PARP14: variants seen among roughly 807,000 people sequenced by gnomAD.
The protein encoded by PARP14 is protein mono-ADP-ribosyltransferase PARP14.
Under a neutral mutation model 154.2 loss-of-function variants are expected in PARP14, and 59 were observed. The observed-to-expected ratio is 0.38, with a 90% CI of 0.31 to 0.48. The LOEUF (loss-of-function observed/expected upper bound fraction) is 0.48. Among genes scored for constraint, PARP14 ranks in the 20% least tolerant of loss-of-function variants. The pLI, the probability that PARP14 is intolerant of heterozygous loss-of-function variation, is 0.98. For missense variants in PARP14, 1,734 were observed against 2,131.6 expected, an observed-to-expected ratio of 0.81 and a Z score of 3.67; for synonymous variants, 720 against 780.5, an observed-to-expected ratio of 0.92 and a Z score of 1.29.
At chr3:122,696,791 A>T (rs1472635247) in intron 5 of PARP14, among the ~76,000 whole-genome samples, 15 of 152,142 alleles carry the variant, frequency 9.9e-5, no homozygotes, top group Admixed American at 9.8e-4. Context: ...TGTAAACTCT[A>T]TGAGGCACTC....
At position 122,695,604 on chromosome 3, in the gene PARP14, C is replaced by T; in HGVS notation, c.777C>T (p.Ala259=). The change falls in exon 5 of 17, where the codon GCC becomes GCT. Residue 259 remains alanine, a synonymous_variant. Coordinates refer to ENST00000474629, the MANE Select transcript of PARP14 (RefSeq NM_017554.3). ...CCTATAATGGAGGGGGAAGAGTTGC[C>T]AATGTTGAATATTTTCCTGAAGAGA... ...ENPYNGGGRV[A]NVEYFPEESS... 6.2e-7 allele frequency: 1 copy of T among 1,610,256 alleles called. No individual in the cohort carries two copies. Among genetic ancestry groups the T allele is most frequent in the Non-Finnish European group, 8.5e-7 (1 of 1,177,120 alleles).
Position 122,681,257 on chromosome 3 carries a change from C to A in PARP14, c.187+187C>A, listed in dbSNP as rs778118396. On this transcript the variant is annotated intron_variant, in intron 1 of 16. Coordinates refer to ENST00000474629, the MANE Select transcript of PARP14 (RefSeq NM_017554.3). This position sits in a 1 kb window ranked among gnomAD's most constrained non-coding sequence, Gnocchi z 5.5. ...CGAGCGCACCCGGGGCGCTGCGGTT[C>A]CCCGGCGCCCTGCGCTTCCAGGCGC... is the stretch of plus-strand genomic sequence containing the variant. Among the ~76,000 whole-genome samples the A allele has an allele frequency of 5.2e-4, 79 of 151,474 alleles. No homozygotes were observed. The highest frequency in any genetic ancestry group is 3.5e-3 in the Middle Eastern group (1 of 286).
chr3:122,681,140 C>A lies in PARP14; in HGVS notation c.187+70C>A. ...TCCCTCCAGGGAAATGGCGGCAGGG[C>A]ACGCACGGGAGGGTGACCCGCCCGA... is the stretch of plus-strand genomic sequence containing the variant. On this transcript the variant is annotated intron_variant, in intron 1 of 16. Transcript: ENST00000474629. This position sits in a 1 kb window ranked among gnomAD's most constrained non-coding sequence, Gnocchi z 5.5. The A allele has an allele frequency of 7.9e-7, 1 of 1,273,070 alleles. No individual in the cohort carries two copies. The highest frequency in any genetic ancestry group is 1.1e-6 in the Non-Finnish European group (1 of 901,240). 78.9% of individuals were successfully genotyped at this position (1,273,070 alleles called of 1,614,324 possible).
intron 1 of PARP14, among the ~76,000 whole-genome samples, chr3:122,682,789 C>G (rs1038981013): frequency 6.6e-6 from 1 of 152,238 alleles, no homozygotes; most frequent in South Asian, 2.1e-4. Flanking sequence ...TGGTGGCTCA[C>G]GCCTGTTAAT....
rs569667645 is a variant in PARP14, at chr3:122,724,754, C to T, written c.4942-3058C>T. ...TGGAGAGAAGGTCAGCAGATAAACA[C>T]GTGAATAAAGGACTCTGGTTTTCCT... On this transcript the variant is annotated intron_variant, in intron 15 of 16. Coordinates refer to ENST00000474629, the MANE Select transcript of PARP14 (RefSeq NM_017554.3). Among the ~76,000 whole-genome samples, 21 of 151,258 alleles carry T rather than the reference C, an allele frequency of 1.4e-4. No individual in the cohort carries two copies. The South Asian group carries it at 4.0e-3, about 28-fold the overall frequency.
chr3:122,694,842 A>G (rs1481661551), intron 4 of PARP14, among the ~76,000 whole-genome samples: 1 of 152,148 alleles, frequency 6.6e-6, no homozygotes, highest in Non-Finnish European at 1.5e-5. Flanking sequence ...TAAAGAGACA[A>G]TTGAGTTGAG....
chr3:122,684,567 A>G (rs891880467), intron 1 of PARP14, among the ~76,000 whole-genome samples: 3 of 152,092 alleles, frequency 2.0e-5, no homozygotes, highest in African/African-American at 7.2e-5. Context: ...CAGTTGTTTC[A>G]CTACAGCCAA....
rs1432150972 is a variant in PARP14 at position 122,729,783 on chromosome 3, T to A, written c.*1186T>A. 6.6e-6 allele frequency: 1 copy of A among 152,202 alleles called. No homozygotes were observed. The highest frequency in any genetic ancestry group is 1.5e-5 in the Non-Finnish European group (1 of 68,038). The allele number at this position is 152,202 out of a possible 1,614,324, so 9.4% of individuals were successfully genotyped here. A position where few individuals can be genotyped will look rare whatever the true frequency, so the allele number is the denominator to read the frequency against. ...CCAGTGATAACAATGGGATAACGCC[T>A]GCTACACATCTTCATTGTGAAACCC... On this transcript the variant is annotated 3_prime_UTR_variant, in exon 17 of 17. Transcript: ENST00000474629.
chr3:122,706,381 G>A (rs1001751833), intron 8 of PARP14, among the ~76,000 whole-genome samples: 2 of 152,128 alleles, frequency 1.3e-5, no homozygotes, highest in African/African-American at 4.8e-5. Flanking sequence ...ATGCAAAGCA[G>A]CAGTCCTGTG....
chr3:122,710,774 A>G (rs1939297859), intron 9 of PARP14, among the ~76,000 whole-genome samples: 1 of 151,220 alleles, frequency 6.6e-6, no homozygotes, highest in South Asian at 2.1e-4. Context: ...CTCCTTGGTT[A>G]AGTATATTCC....
At chr3:122,702,068 G>A (rs778679407) in intron 6 of PARP14, among the ~76,000 whole-genome samples, 8 of 152,162 alleles carry the variant, frequency 5.3e-5, no homozygotes, top group Middle Eastern at 3.2e-3. Flanking sequence ...TGAGCTTGGG[G>A]CCAGAGTCTA....
intron 8 of PARP14, among the ~76,000 whole-genome samples, chr3:122,707,312 C>T (rs544389343): frequency 3.9e-4 from 59 of 151,516 alleles, no homozygotes; most frequent in African/African-American, 1.2e-3. Context: ...ACCTGGGAGG[C>T]GGAGTTTGCA....
chr3:122,727,185 T>C (rs1359891618), intron 15 of PARP14, among the ~76,000 whole-genome samples: 2 of 152,116 alleles, frequency 1.3e-5, no homozygotes, highest in Non-Finnish European at 2.9e-5. Flanking sequence ...CTGCTACTAC[T>C]TGGGGACTAG....
At chr3:122,691,804 A>G (rs1938548303) in intron 3 of PARP14, among the ~76,000 whole-genome samples, 1 of 152,198 alleles carries the variant, frequency 6.6e-6, no homozygotes, top group South Asian at 2.1e-4. Flanking sequence ...GTTCCTCAAA[A>G]AGGCCAGGCA....
chr3:122,694,307 C>T (rs994140124), intron 4 of PARP14, among the ~76,000 whole-genome samples: 5 of 152,126 alleles, frequency 3.3e-5, no homozygotes, highest in Non-Finnish European at 7.4e-5. Context: ...ATCTGGTAAA[C>T]CCCTCTTCAT....
At chr3:122,694,300 T>TG (rs1462946432) in intron 4 of PARP14, among the ~76,000 whole-genome samples, 5 of 152,192 alleles carry the variant, frequency 3.3e-5, no homozygotes, top group African/African-American at 7.2e-5. Flanking sequence ...CCTATCCATC[T>TG]GGTAAACCCC....
chr3:122,696,563 C>T (rs943278261), intron 5 of PARP14, among the ~76,000 whole-genome samples: 1 of 152,198 alleles, frequency 6.6e-6, no homozygotes, highest in African/African-American at 2.4e-5. Context: ...AAATCTCCCT[C>T]TGCCTGGTCT....
At chr3:122,683,860 C>T (rs1487139414) in intron 1 of PARP14, among the ~76,000 whole-genome samples, 1 of 152,316 alleles carries the variant, frequency 6.6e-6, no homozygotes, top group South Asian at 2.1e-4. Context: ...GACTGTAACA[C>T]AGAGGTCCAT....
At chr3:122,687,522 C>T (rs1938410948) in intron 3 of PARP14, among the ~76,000 whole-genome samples, 1 of 152,198 alleles carries the variant, frequency 6.6e-6, no homozygotes, top group East Asian at 1.9e-4. Context: ...GGGTGCTGTG[C>T]TCTGGAGCCA....
Sources: gnomAD v4.1 joint callset for allele counts (sites outside exome capture counted in the v4.1 genomes callset) on GRCh38, gnomAD v4.1.1 for gene constraint, Gnocchi (gnomAD v3.1) non-coding constraint, MANE v1.5 for transcripts, NCBI Gene and HGNC (gene_info 2026-07-23, HGNC 2026-07-21) for gene names.